The following UBE2E1 variants were observed in gnomAD, a reference collection of about 807,000 sequenced individuals.
UBE2E1 encodes ubiquitin conjugating enzyme E2 E1.
UBE2E1 carries 6 observed loss-of-function variants against 21.4 expected under a neutral mutation model. That is an observed-to-expected ratio of 0.28 (90% CI 0.15 to 0.55). The LOEUF is 0.55. UBE2E1 is among the 20% of genes least tolerant of loss of function. The pLI, the probability that UBE2E1 is intolerant of heterozygous loss-of-function variation, is 0.93. For synonymous variants in UBE2E1, 87 were observed against 82.7 expected (o/e 1.05, Z -0.28); for missense variants, 142 against 236.5 (o/e 0.60, Z 2.62).
At chr3:23,852,559 C>T (rs927639482) in intron 3 of UBE2E1, among the ~76,000 whole-genome samples, 4 of 152,114 alleles carry the variant, frequency 2.6e-5, no homozygotes, top group East Asian at 1.9e-4. Context: ...AAATACAGAT[C>T]GTGTTACTTC....
In UBE2E1 at chr3:23,848,654, C is replaced by T. The variant is rs563277885; in HGVS notation, c.203+37144C>T. On this transcript the variant is annotated intron_variant, in intron 3 of 5. Coordinates refer to ENST00000306627, the MANE Select transcript of UBE2E1 (RefSeq NM_003341.5). ...CCACATAATGTGATATAATCAGTAA[C>T]TACCCTGACAGTTCAGATATGGGAG... is the stretch of plus-strand genomic sequence containing the variant. 4.6e-5 allele frequency among the ~76,000 whole-genome samples: 7 copies of T among 152,138 alleles called. No individual in the cohort carries two copies. In the East Asian group the frequency reaches 1.4e-3, roughly 29 times the overall value.
chr3:23,845,143 C>T (rs1310072835), intron 3 of UBE2E1, among the ~76,000 whole-genome samples: 1 of 152,174 alleles, frequency 6.6e-6, no homozygotes. Context: ...ATGCGACCCA[C>T]AGGCCAGGAA....
intron 3 of UBE2E1, among the ~76,000 whole-genome samples, chr3:23,877,344 A>G (rs1211715669): frequency 6.6e-6 from 1 of 152,120 alleles, no homozygotes; most frequent in Non-Finnish European, 1.5e-5. Context: ...ACTGGAGTCT[A>G]ACAGCTGGGA....
chr3:23,879,195 G>C, intron 3 of UBE2E1: 1 of 872,834 alleles, frequency 1.1e-6, no homozygotes, highest in Non-Finnish European at 1.8e-6. Context: ...TCCACATCTA[G>C]AGTCCACAAC....
Position 23,887,932 on chromosome 3 carries a change from T to C in UBE2E1, c.336+233T>C, listed in dbSNP as rs529429505. On this transcript the variant is annotated intron_variant, in intron 4 of 5. Coordinates refer to ENST00000306627, the MANE Select transcript of UBE2E1 (RefSeq NM_003341.5). This position sits in a 1 kb window ranked among gnomAD's most constrained non-coding sequence, Gnocchi z 4.4. Reference sequence around the variant, plus strand: ...ATGGTGCTTAAAATTGTGCTATTTATAGTAATATTGTCAGCAACCTAGAAT... The same window carrying C: ...ATGGTGCTTAAAATTGTGCTATTTACAGTAATATTGTCAGCAACCTAGAAT... 1.6e-5 allele frequency: 9 copies of C among 548,946 alleles called. No individual in the cohort carries two copies. The highest frequency in any genetic ancestry group is 1.0e-4 in the Admixed American group (3 of 29,082). 34.0% of individuals were successfully genotyped at this position (548,946 alleles called of 1,614,324 possible).
chr3:23,883,328 C>T (rs962474487), intron 3 of UBE2E1, among the ~76,000 whole-genome samples: 2 of 152,082 alleles, frequency 1.3e-5, no homozygotes, highest in African/African-American at 2.4e-5. Flanking sequence ...GTCATTTTAT[C>T]GAGAAATAGG....
At chr3:23,862,116 C>T (rs537200270) in intron 3 of UBE2E1, among the ~76,000 whole-genome samples, 2 of 152,248 alleles carry the variant, frequency 1.3e-5, no homozygotes, top group South Asian at 2.1e-4. Flanking sequence ...GTTTGAGCAG[C>T]GGGACACTGA....
chr3:23,832,854 A>C (rs913335384), intron 3 of UBE2E1, among the ~76,000 whole-genome samples: 12 of 151,818 alleles, frequency 7.9e-5, no homozygotes, highest in Non-Finnish European at 4.4e-5. Context: ...AACATGGTGA[A>C]ACCCCCATCT....
At chr3:23,819,237 T>C (rs1699594064) in intron 3 of UBE2E1, among the ~76,000 whole-genome samples, 1 of 152,104 alleles carries the variant, frequency 6.6e-6, no homozygotes, top group Admixed American at 6.6e-5. Context: ...TGAACCAAGA[T>C]TGCGCCACTG....
At chr3:23,821,841 G>C (rs1162360967) in intron 3 of UBE2E1, among the ~76,000 whole-genome samples, 33 of 152,280 alleles carry the variant, frequency 2.2e-4, no homozygotes, top group Non-Finnish European at 4.4e-5. Context: ...TTTGAAATCT[G>C]TTCCCATGAG....
At chr3:23,841,148 G>T (rs1349853652) in intron 3 of UBE2E1, among the ~76,000 whole-genome samples, 1 of 152,134 alleles carries the variant, frequency 6.6e-6, no homozygotes, top group Non-Finnish European at 1.5e-5. Context: ...TGAACTGTTT[G>T]AAAAGATTGA....
At chr3:23,818,141 C>T (rs938594806) in intron 3 of UBE2E1, among the ~76,000 whole-genome samples, 7 of 152,078 alleles carry the variant, frequency 4.6e-5, no homozygotes, top group Non-Finnish European at 8.8e-5. Flanking sequence ...GAAAAGGAGT[C>T]GGGTTCTTCT....
intron 3 of UBE2E1, among the ~76,000 whole-genome samples, chr3:23,840,863 A>C (rs1037143410): frequency 6.6e-6 from 1 of 152,158 alleles, no homozygotes; most frequent in African/African-American, 2.4e-5. Context: ...GTAGGTCTCA[A>C]TATATTTAGT....
intron 3 of UBE2E1, among the ~76,000 whole-genome samples, chr3:23,850,657 C>T (rs1008974491): frequency 1.3e-5 from 2 of 150,798 alleles, no homozygotes; most frequent in Admixed American, 1.3e-4. Flanking sequence ...CATGCATGCA[C>T]CACTGCATCC....
Position 23,887,447 on chromosome 3 carries a change from A to C in UBE2E1, c.204-120A>C, listed in dbSNP as rs1701213596. ...GCATCCGTTTCTGTACTTGTTTTGT[A>C]AAGAGAATCCACACAGTAAACAAAA... On this transcript the variant is annotated intron_variant, in intron 3 of 5. Coordinates refer to ENST00000306627, the MANE Select transcript of UBE2E1 (RefSeq NM_003341.5). This position sits in a 1 kb window ranked among gnomAD's most constrained non-coding sequence, Gnocchi z 4.4. 1.5e-6 allele frequency: 2 copies of C among 1,345,932 alleles called. No individual in the cohort carries two copies. Among genetic ancestry groups the C allele is most frequent in the South Asian group, 3.5e-5 (2 of 56,666 alleles). The allele number at this position is 1,345,932 out of a possible 1,614,324, so 83.4% of individuals were successfully genotyped here.
intron 3 of UBE2E1, among the ~76,000 whole-genome samples, chr3:23,817,831 C>T (rs2125284395): frequency 6.6e-6 from 1 of 152,250 alleles, no homozygotes; most frequent in East Asian, 1.9e-4. Context: ...ATAGATAAAG[C>T]TTGTGTTCTT....
Position 23,807,374 on chromosome 3 carries a change from A to G in UBE2E1, c.105A>G (p.Lys35=), listed in dbSNP as rs1462201459. The G allele has an allele frequency of 1.2e-6, 2 of 1,613,710 alleles. No homozygotes were observed. Among genetic ancestry groups the G allele is most frequent in the Non-Finnish European group, 1.7e-6 (2 of 1,179,936 alleles). Residue 35 remains lysine (K), a synonymous_variant, in exon 2 of 6, where the codon AAA becomes AAG. Coordinates refer to ENST00000306627, the MANE Select transcript of UBE2E1 (RefSeq NM_003341.5). ...ETNTPKKKES[K]VSMSKNSKLL... Reference sequence around the variant, plus strand: ...ACACCCCCAAGAAGAAGGAGAGTAAAGTCAGCATGAGCAAAAACTCCAAAC... The same window carrying G: ...ACACCCCCAAGAAGAAGGAGAGTAAGGTCAGCATGAGCAAAAACTCCAAAC...
At chr3:23,849,111 T>C (rs1446182069) in intron 3 of UBE2E1, among the ~76,000 whole-genome samples, 1 of 152,230 alleles carries the variant, frequency 6.6e-6, no homozygotes, top group Non-Finnish European at 1.5e-5. Flanking sequence ...CTATATTTTA[T>C]TTTATTTTTT....
chr3:23,827,717 T>G (rs1178501910), intron 3 of UBE2E1, among the ~76,000 whole-genome samples: 1 of 152,214 alleles, frequency 6.6e-6, no homozygotes, highest in Non-Finnish European at 1.5e-5. Context: ...AAGAGGCTTA[T>G]TTTATAACAT....
Sources: allele counts gnomAD v4.1 joint callset (sites outside exome capture counted in the v4.1 genomes callset), GRCh38; gene constraint gnomAD v4.1.1; non-coding constraint Gnocchi (gnomAD v3.1); transcripts MANE v1.5; gene names NCBI Gene and HGNC (gene_info 2026-07-23, HGNC 2026-07-21).